The following DGKB variants were observed in gnomAD, a reference collection of about 807,000 sequenced individuals.
The protein encoded by DGKB is 90 kDa diacylglycerol kinase.
A neutral mutation model predicts 114.3 loss-of-function variants in DGKB; 67 were observed. That is an observed-to-expected ratio of 0.59 (90% CI 0.48 to 0.72). The LOEUF (loss-of-function observed/expected upper bound fraction) is 0.72. Ranked by LOEUF, DGKB falls within the 30% of genes least tolerant of loss-of-function variation. The pLI is 0.00. For synonymous variants in DGKB, 398 were observed against 323.1 expected (o/e 1.23, Z -2.49); for missense variants, 907 against 975.2 (o/e 0.93, Z 0.93).
chr7:14,834,181 A>C (rs895901458), intron 2 of DGKB, among the ~76,000 whole-genome samples: 1 of 152,172 alleles, frequency 6.6e-6, no homozygotes, highest in Non-Finnish European at 1.5e-5. Context: ...CTTAGTGATA[A>C]TTTTTGTTAT....
At chr7:14,673,861 T>G (rs1286359807) in intron 12 of DGKB, among the ~76,000 whole-genome samples, 1 of 152,080 alleles carries the variant, frequency 6.6e-6, no homozygotes, top group Non-Finnish European at 1.5e-5. Context: ...TGATATGAAC[T>G]CTTCATACTT....
chr7:14,529,740 T>C (rs1395808024), intron 20 of DGKB, among the ~76,000 whole-genome samples: 1 of 151,858 alleles, frequency 6.6e-6, no homozygotes, highest in East Asian at 1.9e-4. Context: ...AGTGATTTTC[T>C]ACTTTCTCCA....
intron 23 of DGKB, among the ~76,000 whole-genome samples, chr7:14,299,170 C>G (rs1032931255): frequency 3.9e-5 from 6 of 152,014 alleles, no homozygotes; most frequent in Admixed American, 1.3e-4. Context: ...TATTCCAAAT[C>G]TATCAAATTA....
intron 2 of DGKB, among the ~76,000 whole-genome samples, chr7:14,767,506 G>A (rs2128464661): frequency 6.6e-6 from 1 of 151,894 alleles, no homozygotes; most frequent in South Asian, 2.1e-4. Flanking sequence ...TGTGCCATCA[G>A]GCTTAAGCTA....
intron 2 of DGKB, among the ~76,000 whole-genome samples, chr7:14,808,324 T>C (rs1429403376): frequency 1.3e-5 from 2 of 152,036 alleles, no homozygotes; most frequent in Non-Finnish European, 2.9e-5. Context: ...ACAAAACTAA[T>C]AAATACTTAG....
chr7:14,728,330 T>C (rs1830323898), intron 5 of DGKB, among the ~76,000 whole-genome samples: 1 of 152,198 alleles, frequency 6.6e-6, no homozygotes, highest in African/African-American at 2.4e-5. Flanking sequence ...AATCTCATAA[T>C]GGCTTTCCGA....
At chr7:14,242,124 C>A (rs1441085373) in intron 23 of DGKB, among the ~76,000 whole-genome samples, 2 of 152,056 alleles carry the variant, frequency 1.3e-5, no homozygotes, top group Admixed American at 6.6e-5. Context: ...AAACCTTAGC[C>A]ATTTTGATTT....
In DGKB at chr7:14,478,209, T is replaced by C. The variant is rs773823511; in HGVS notation, c.1787A>G (p.His596Arg). 1.2e-6 allele frequency: 2 copies of C among 1,600,934 alleles called. No homozygotes were observed. The highest frequency in any genetic ancestry group is 2.3e-5 in the South Asian group (2 of 88,794). The change falls in exon 21 of 26, where the codon CAC becomes CGC. Residue 596 changes from histidine (H) to arginine (R), a missense_variant. Physicochemically the swap from His to Arg is conservative, Grantham distance 29 (BLOSUM62 0). This residue lies in a region of DGKB where 814 missense variants were observed against 856.6 expected (regional missense o/e 0.95). Coordinates refer to ENST00000402815, the MANE Select transcript of DGKB (RefSeq NM_001350709.2). ...FSIGVDASIA[H>R]RFHIMREKHP... ...TTTTTCTCTCATGATGTGGAATCTG[T>C]GTGCAATGGAGGCATCCTAAGGGGA...
intron 23 of DGKB, among the ~76,000 whole-genome samples, chr7:14,203,923 C>T (rs10229939): frequency 0.3 from 45,488 of 151,736 alleles, 9,127 homozygotes; most frequent in African/African-American, 0.55. Context: ...TCTAAAGCTT[C>T]TGGTCTGATA....
chr7:14,613,989 G>A (rs531904477), intron 15 of DGKB, among the ~76,000 whole-genome samples: 1 of 152,178 alleles, frequency 6.6e-6, no homozygotes, highest in African/African-American at 2.4e-5. Flanking sequence ...TGAATAGGTT[G>A]CTAGTTAATC....
chr7:14,867,232 T>G (rs1851825570), intron 1 of DGKB, among the ~76,000 whole-genome samples: 1 of 152,202 alleles, frequency 6.6e-6, no homozygotes, highest in African/African-American at 2.4e-5. Flanking sequence ...ATAATTTTAA[T>G]GAAATTCAGT....
chr7:14,252,171 C>G (rs1222359390), intron 23 of DGKB, among the ~76,000 whole-genome samples: 1 of 152,066 alleles, frequency 6.6e-6, no homozygotes, highest in Non-Finnish European at 1.5e-5. Flanking sequence ...CTGTAGGCTT[C>G]TTTCAGGTTT....
chr7:14,946,138 T>C (rs1364153165), intron 1 of DGKB, among the ~76,000 whole-genome samples: 1 of 150,320 alleles, frequency 6.7e-6, no homozygotes, highest in Non-Finnish European at 1.5e-5. Flanking sequence ...ATATATATAT[T>C]GCTTAGTATT....
intron 9 of DGKB, among the ~76,000 whole-genome samples, chr7:14,689,089 T>TA (rs549220979): frequency 5.1e-4 from 78 of 151,808 alleles, no homozygotes; most frequent in African/African-American, 1.8e-3. Context: ...GAGCTAATGT[T>TA]ACAAATAATT....
rs559651719 is a variant in DGKB, at chr7:14,908,497, T to G, written c.-188+66199A>C. On this transcript the variant is annotated intron_variant, in intron 1 of 4. Transcript: ENST00000437998. ...AAAACCTCCATCTAATAGCTAAATC[T>G]TTAAAACACCATGCTATCAACTGCA... 1.2e-4 allele frequency among the ~76,000 whole-genome samples: 19 copies of G among 152,290 alleles called. No homozygotes were observed. The South Asian group carries it at 3.9e-3, about 32-fold the overall frequency.
At chr7:14,946,936 A>G (rs1453359378) in intron 1 of DGKB, among the ~76,000 whole-genome samples, 1 of 151,786 alleles carries the variant, frequency 6.6e-6, no homozygotes, top group Non-Finnish European at 1.5e-5. Flanking sequence ...AAACACTTCA[A>G]AATGAAATAG....
intron 1 of DGKB, among the ~76,000 whole-genome samples, chr7:14,949,883 A>G (rs1786087724): frequency 6.6e-6 from 1 of 151,228 alleles, no homozygotes; most frequent in African/African-American, 2.4e-5. Flanking sequence ...GTTCTCACTC[A>G]TAGGTTGGAA....
chr7:14,325,054 C>G (rs1160922806), intron 23 of DGKB, among the ~76,000 whole-genome samples: 3 of 152,132 alleles, frequency 2.0e-5, no homozygotes, highest in African/African-American at 7.2e-5. Context: ...TGTTCTCTGT[C>G]TTCTCTTAGT....
chr7:14,346,206 T>G (rs969672429), intron 21 of DGKB, among the ~76,000 whole-genome samples: 1 of 151,856 alleles, frequency 6.6e-6, no homozygotes, highest in Non-Finnish European at 1.5e-5. Flanking sequence ...TATTGATATC[T>G]GCTTCTTACA....
Sources: allele counts gnomAD v4.1 joint callset (sites outside exome capture counted in the v4.1 genomes callset), GRCh38; gene constraint gnomAD v4.1.1; regional missense constraint gnomAD v4.1.1; transcripts MANE v1.5; gene names NCBI Gene and HGNC (gene_info 2026-07-23, HGNC 2026-07-21).